GASK1B: variants seen among roughly 807,000 people sequenced by gnomAD.
GASK1B encodes the protein Golgi-associated kinase 1B.
A neutral mutation model predicts 42.8 loss-of-function variants in GASK1B; 34 were observed. That is an observed-to-expected ratio of 0.79 (90% CI 0.60 to 1.06). The LOEUF is 1.06. GASK1B is among the 50% of genes least tolerant of loss of function. The pLI is 0.00. For synonymous variants in GASK1B, 262 were observed against 259.1 expected, an observed-to-expected ratio of 1.01 and a Z score of -0.11; for missense variants, 686 against 661.0, an observed-to-expected ratio of 1.04 and a Z score of -0.42.
At chr4:158,127,755 C>G in intron 4 of GASK1B, 141 bp from the exon 5 acceptor site, 1 of 672,280 alleles carries the variant, frequency 1.5e-6, no homozygotes, top group Non-Finnish European at 2.5e-6. Flanking sequence ...TTTGTTACTG[C>G]CAAGATGACA....
intron 2 of GASK1B, chr4:158,168,306 T>G (rs1368770835): frequency 6.6e-6 from 1 of 152,174 alleles, no homozygotes; most frequent in Admixed American, 6.5e-5. Flanking sequence ...ATTTTTGTTC[T>G]CAAAGATGCT....
intron 2 of GASK1B, among the ~76,000 whole-genome samples, chr4:158,157,598 A>G (rs1003128978): frequency 2.0e-5 from 3 of 152,112 alleles, no homozygotes; most frequent in African/African-American, 7.2e-5. Context: ...AGCTCTTTCT[A>G]TTAGTGTCTT....
rs1162105180 is a variant in GASK1B, at chr4:158,130,877, C to A, written c.1261G>T (p.Asp421Tyr). 1 of 1,614,082 alleles carries A rather than the reference C, an allele frequency of 6.2e-7. No homozygotes were observed. Among genetic ancestry groups the A allele is most frequent in the South Asian group, 1.1e-5 (1 of 91,074 alleles). Reference protein sequence around the residue: ...ALAHIIQRKHDPRHLVFIDNK... With the variant: ...ALAHIIQRKHYPRHLVFIDNK... The stretch of plus-strand genomic sequence containing the variant: ...TCTATAAAAACCAAATGCCTTGGGT[C>A]ATGCTTTCGCTGGATAATGTGTGCT... The change falls in exon 4 of 5, where the codon GAC becomes TAC. Residue 421 changes from aspartate (D) to tyrosine (Y), a missense_variant. Physicochemically the swap from Asp to Tyr is radical, Grantham distance 160 (BLOSUM62 -3). Transcript: ENST00000585682.
intron 3 of GASK1B, among the ~76,000 whole-genome samples, chr4:158,148,427 C>CACAACA (rs1731417134): frequency 6.6e-6 from 1 of 152,178 alleles, no homozygotes; most frequent in Non-Finnish European, 1.5e-5. Context: ...AGAAATTAGC[C>CACAACA]TCTTACATTT....
chr4:158,170,672 A>G lies in GASK1B; in HGVS notation c.704T>C (p.Leu235Pro). ...TCCGCTCCTAGAGGACACAGGCCGG[A>G]GCCCTGCCACTGCGCTGTCCGCCAA... ...RLLADSAVAG[L>P]RPVSSRSGAR... Residue 235 changes from leucine to proline, a missense_variant, in exon 2 of 5, where the codon CTC becomes CCC. Leu to Pro is a moderately conservative substitution (Grantham distance 98). Coordinates refer to ENST00000585682, the MANE Select transcript of GASK1B (RefSeq NM_001128424.2). The G allele has an allele frequency of 6.2e-7, 1 of 1,614,122 alleles. No individual in the cohort carries two copies. The highest frequency in any genetic ancestry group is 8.5e-7 in the Non-Finnish European group (1 of 1,180,032).
chr4:158,146,594 T>A (rs946864655), intron 3 of GASK1B, among the ~76,000 whole-genome samples: 2 of 152,148 alleles, frequency 1.3e-5, no homozygotes, highest in African/African-American at 4.8e-5. Flanking sequence ...AGGACACCAA[T>A]GCAGAGAGAG....
intron 3 of GASK1B, among the ~76,000 whole-genome samples, chr4:158,154,348 A>G (rs775886315): frequency 6.6e-6 from 1 of 151,918 alleles, no homozygotes; most frequent in Non-Finnish European, 1.5e-5. Flanking sequence ...GAATGGCCAT[A>G]ATACAAAATA....
chr4:158,171,231 C>A lies in GASK1B; in HGVS notation c.145G>T (p.Gly49Cys), dbSNP rs199967131. 13 of 1,614,046 alleles carry A rather than the reference C, an allele frequency of 8.1e-6. No individual in the cohort carries two copies. The East Asian group carries it at 2.9e-4, about 36-fold the overall frequency. Residue 49 changes from glycine (G) to cysteine (C), a missense_variant, in exon 2 of 5, where the codon GGC (glycine) becomes TGC (cysteine). Physicochemically the swap from Gly to Cys is radical, Grantham distance 159 (BLOSUM62 -3). Transcript: ENST00000585682. ...CTCCCCACCTGGCTCACCAGGAAGCCCAAGTAGATGGCACACGCAGTGCCC... is the reference window on the plus strand; with the variant it reads ...CTCCCCACCTGGCTCACCAGGAAGCACAAGTAGATGGCACACGCAGTGCCC... ...LLGTACAIYL[G>C]FLVSQVGRAS...
chr4:158,171,909 G>A (rs937821180), intron 1 of GASK1B, among the ~76,000 whole-genome samples: 13 of 152,090 alleles, frequency 8.5e-5, no homozygotes, highest in Admixed American at 1.3e-4. Flanking sequence ...AATTCAGAAA[G>A]AACTTAAGAC....
chr4:158,147,037 C>T (rs1209159199), intron 3 of GASK1B, among the ~76,000 whole-genome samples: 1 of 152,174 alleles, frequency 6.6e-6, no homozygotes, highest in Non-Finnish European at 1.5e-5. Context: ...TATTCCCTTG[C>T]TCTGGCTCTG....
chr4:158,137,939 C>T (rs932937183), intron 3 of GASK1B, among the ~76,000 whole-genome samples: 2 of 152,236 alleles, frequency 1.3e-5, no homozygotes, highest in East Asian at 1.9e-4. Context: ...TGTGCCTCTG[C>T]CTCTGTAAAG....
chr4:158,155,901 C>A, intron 2 of GASK1B, 76 bp from the exon 3 acceptor site: 1 of 1,176,386 alleles, frequency 8.5e-7, no homozygotes, highest in South Asian at 1.4e-5. Context: ...GTCGTTCACT[C>A]TTTCACAGTC....
intron 2 of GASK1B, among the ~76,000 whole-genome samples, chr4:158,164,628 G>A (rs773306646): frequency 3.3e-5 from 5 of 152,126 alleles, no homozygotes; most frequent in Non-Finnish European, 7.3e-5. Flanking sequence ...AATAAAACAT[G>A]ATTACACACT....
intron 3 of GASK1B, among the ~76,000 whole-genome samples, chr4:158,140,058 T>C (rs146567680): frequency 1.3e-5 from 2 of 152,234 alleles, no homozygotes; most frequent in Non-Finnish European, 2.9e-5. Context: ...GCAGTGGCAG[T>C]GAAGAGTACA....
At chr4:158,162,121 T>G (rs1314563486) in intron 2 of GASK1B, among the ~76,000 whole-genome samples, 1 of 152,216 alleles carries the variant, frequency 6.6e-6, no homozygotes, top group East Asian at 1.9e-4. Flanking sequence ...CCACCCACAG[T>G]GACTTTTAAG....
chr4:158,167,907 A>G (rs1732288993), intron 2 of GASK1B, among the ~76,000 whole-genome samples: 1 of 152,194 alleles, frequency 6.6e-6, no homozygotes, highest in Non-Finnish European at 1.5e-5. Flanking sequence ...AGAAAGACAC[A>G]GTGAGAAAAA....
Position 158,127,550 on chromosome 4 carries a change from G to A in GASK1B, c.1417C>T (p.Leu473=). The A allele has an allele frequency of 3.7e-6, 6 of 1,613,642 alleles. No individual in the cohort carries two copies. The highest frequency in any genetic ancestry group is 5.1e-6 in the Non-Finnish European group (6 of 1,179,766). Residue 473 remains leucine, a synonymous_variant, in exon 5 of 5, where the codon CTG becomes TTG. Transcript: ENST00000585682. The part of the protein sequence containing the change: ...QHLRQKLLQS[L]FLDKVYWESQ... Reference sequence around the variant, plus strand: ...TCCCAATACACTTTATCAAGAAACAGAGACTGAAGAAGTTTCTGCCGTAAG... The same window carrying A: ...TCCCAATACACTTTATCAAGAAACAAAGACTGAAGAAGTTTCTGCCGTAAG...
intron 2 of GASK1B, among the ~76,000 whole-genome samples, chr4:158,163,813 A>G (rs1732124191): frequency 6.6e-6 from 1 of 152,176 alleles, no homozygotes; most frequent in Non-Finnish European, 1.5e-5. Flanking sequence ...TTGCCCGTCC[A>G]CACCCCCAAA....
chr4:158,170,803 C>T lies in GASK1B; in HGVS notation c.573G>A (p.Gly191=), dbSNP rs746492552. ...AGCTGGGCTGCAGGAAGTCTGGGCC[C>T]CCGGCTCGCACTCCCGGACCCCGCA... ...RLVRGPGVRA[G]GPDFLQPSSR... Residue 191 remains glycine (G), a synonymous_variant, in exon 2 of 5, where the codon GGG becomes GGA. Coordinates refer to ENST00000585682, the MANE Select transcript of GASK1B (RefSeq NM_001128424.2). The T allele has an allele frequency of 3.1e-6, 5 of 1,614,214 alleles. No homozygotes were observed. The highest frequency in any genetic ancestry group is 4.2e-6 in the Non-Finnish European group (5 of 1,180,034).
Sources: gnomAD v4.1 joint callset for allele counts (sites outside exome capture counted in the v4.1 genomes callset) on GRCh38, gnomAD v4.1.1 for gene constraint, MANE v1.5 for transcripts, NCBI Gene and HGNC (gene_info 2026-07-23, HGNC 2026-07-21) for gene names.